The following SUPT3H variants were observed in gnomAD, a reference collection of about 807,000 sequenced individuals.
SUPT3H encodes the protein SPT3 homolog, SAGA and STAGA complex component, also known as transcription initiation protein SPT3 homolog.
A neutral mutation model predicts 44.3 loss-of-function variants in SUPT3H; 44 were observed. The observed-to-expected ratio is 0.99, with a 90% confidence interval of 0.78 to 1.28. The LOEUF (loss-of-function observed/expected upper bound fraction) is 1.28, where lower values mean the gene tolerates loss of function less well. Among genes scored for constraint, SUPT3H ranks in the 50% most tolerant of loss-of-function variants. The pLI is 0.00. For missense variants in SUPT3H, 380 were observed against 387.1 expected (o/e 0.98, Z 0.15); for synonymous variants, 124 against 125.6 (o/e 0.99, Z 0.09).
At chr6:45,341,419 T>C (rs879591083) in intron 2 of SUPT3H, among the ~76,000 whole-genome samples, 4 of 152,204 alleles carry the variant, frequency 2.6e-5, no homozygotes, top group African/African-American at 4.8e-5. Flanking sequence ...TTTAACTTGA[T>C]AGGTAATATT....
At chr6:45,246,095 T>C (rs1466203369) in intron 2 of SUPT3H, among the ~76,000 whole-genome samples, 3 of 152,090 alleles carry the variant, frequency 2.0e-5, no homozygotes, top group Non-Finnish European at 2.9e-5. Context: ...TATTCAACAT[T>C]TTTGCCCATT....
At chr6:45,013,035 T>C (rs776457654) in intron 5 of SUPT3H, among the ~76,000 whole-genome samples, 2 of 152,132 alleles carry the variant, frequency 1.3e-5, no homozygotes, top group African/African-American at 4.8e-5. Context: ...TCTACTGTTA[T>C]CACATACAGC....
At chr6:44,933,139 T>C (rs1770861623) in intron 9 of SUPT3H, among the ~76,000 whole-genome samples, 1 of 152,224 alleles carries the variant, frequency 6.6e-6, no homozygotes, top group African/African-American at 2.4e-5. Flanking sequence ...AAACGTTTCT[T>C]AGGAGCTTCT....
intron 2 of SUPT3H, among the ~76,000 whole-genome samples, chr6:45,158,686 T>C (rs1158011630): frequency 1.3e-5 from 2 of 152,120 alleles, no homozygotes; most frequent in African/African-American, 4.8e-5. Context: ...AGTATAGGAA[T>C]GGCTTCCAGA....
chr6:45,016,326 AT>A (rs992156498), intron 4 of SUPT3H, among the ~76,000 whole-genome samples: 26 of 151,534 alleles, frequency 1.7e-4, no homozygotes, highest in Non-Finnish European at 2.7e-4. Context: ...TGTTTTTTAA[AT>A]TTTTTTTTAT....
At chr6:44,824,939 G>A (rs1767629282), downstream of SUPT3H, among the ~76,000 whole-genome samples, 2 of 152,308 alleles carry the variant, frequency 1.3e-5, no homozygotes, top group South Asian at 4.2e-4. Flanking sequence ...TAATGAGCAA[G>A]CCTTTAAAAG....
At chr6:44,920,363 G>T (rs1201747995) in intron 10 of SUPT3H, among the ~76,000 whole-genome samples, 1 of 152,080 alleles carries the variant, frequency 6.6e-6, no homozygotes, top group Non-Finnish European at 1.5e-5. Flanking sequence ...CTTGAGGCCA[G>T]GAGTTAGAGA....
At chr6:45,112,361 A>G (rs969933348) in intron 2 of SUPT3H, among the ~76,000 whole-genome samples, 3 of 152,112 alleles carry the variant, frequency 2.0e-5, no homozygotes, top group Non-Finnish European at 4.4e-5. Context: ...CCCTGGCCTT[A>G]TATGTGGAAA....
chr6:44,891,455 G>A (rs188721508), intron 10 of SUPT3H, among the ~76,000 whole-genome samples: 59 of 152,166 alleles, frequency 3.9e-4, no homozygotes, highest in African/African-American at 1.4e-3. Context: ...ATTACAATAA[G>A]TATAAACCTT....
intron 2 of SUPT3H, among the ~76,000 whole-genome samples, chr6:45,225,026 C>A (rs1273759311): frequency 6.6e-6 from 1 of 151,940 alleles, no homozygotes. Context: ...CACCTGTAAT[C>A]CCAGTACTTT....
chr6:45,188,272 G>A (rs896412825), intron 2 of SUPT3H, among the ~76,000 whole-genome samples: 1 of 152,220 alleles, frequency 6.6e-6, no homozygotes, highest in South Asian at 2.1e-4. Flanking sequence ...ATTTAACAAG[G>A]AAAGGAAAGA....
intron 2 of SUPT3H, among the ~76,000 whole-genome samples, chr6:45,201,805 C>A (rs1005981260): frequency 4.0e-5 from 6 of 151,814 alleles, no homozygotes; most frequent in Non-Finnish European, 8.9e-5. Context: ...ATGTCTTTCA[C>A]ATCTGTTCCA....
At position 45,010,477 on chromosome 6, in the gene SUPT3H, A is replaced by G. The variant is rs1369267197; in HGVS notation, c.364+4324T>C. 2.6e-5 allele frequency among the ~76,000 whole-genome samples: 4 copies of G among 152,128 alleles called. No individual in the cohort carries two copies. The South Asian group carries it at 8.3e-4, about 31-fold the overall frequency. ...ATGATGTTAGGTGTGGGTTTTCCAT[A>G]TATGTCTGTCTTAGCTCAGGCTGCT... is the stretch of plus-strand genomic sequence containing the variant. On this transcript the variant is annotated intron_variant, in intron 5 of 10. Coordinates refer to ENST00000371459, the MANE Select transcript of SUPT3H (RefSeq NM_003599.4).
At chr6:45,286,663 C>T (rs1244667344) in intron 2 of SUPT3H, among the ~76,000 whole-genome samples, 1 of 152,140 alleles carries the variant, frequency 6.6e-6, no homozygotes, top group Non-Finnish European at 1.5e-5. Flanking sequence ...ACTAGTTCAA[C>T]CATTGTGGAA....
chr6:45,130,424 A>T (rs1464627599), intron 2 of SUPT3H, among the ~76,000 whole-genome samples: 1 of 152,106 alleles, frequency 6.6e-6, no homozygotes, highest in Non-Finnish European at 1.5e-5. Context: ...AATAAAATTC[A>T]GCTGATGGAC....
chr6:45,330,091 G>C (rs896721720), intron 2 of SUPT3H, among the ~76,000 whole-genome samples: 4 of 151,562 alleles, frequency 2.6e-5, no homozygotes, highest in African/African-American at 9.7e-5. Context: ...TCTCTTACAG[G>C]GTGAGGAAAT....
At chr6:45,175,182 G>A (rs1434386523) in intron 2 of SUPT3H, among the ~76,000 whole-genome samples, 2 of 151,446 alleles carry the variant, frequency 1.3e-5, no homozygotes, top group Non-Finnish European at 2.9e-5. Flanking sequence ...TATGTTTGCA[G>A]ATGTGTGTGT....
chr6:45,322,913 C>A (rs769707831), intron 2 of SUPT3H: 1 of 1,612,970 alleles, frequency 6.2e-7, no homozygotes, highest in Non-Finnish European at 8.5e-7. Flanking sequence ...CCAAAGACCA[C>A]CATGAGTCCA....
intron 6 of SUPT3H, among the ~76,000 whole-genome samples, chr6:44,967,354 C>T (rs905417180): frequency 3.9e-5 from 6 of 152,176 alleles, no homozygotes; most frequent in Admixed American, 3.9e-4. Context: ...CTTTCTGCGT[C>T]CTACTTAAAT....
Sources: allele counts gnomAD v4.1 joint callset (sites outside exome capture counted in the v4.1 genomes callset), GRCh38; gene constraint gnomAD v4.1.1; transcripts MANE v1.5; gene names NCBI Gene and HGNC (gene_info 2026-07-23, HGNC 2026-07-21).